Variants in ZNF358 observed in about 807,000 individuals in gnomAD.
ZNF358 encodes zinc finger protein 358.
In ZNF358, 1 loss-of-function variant was observed where a neutral mutation model predicts 2.1. That is an observed-to-expected ratio of 0.49 (90% CI 0.17 to 2.30). ZNF358 has a LOEUF of 2.30. Among genes scored for constraint, ZNF358 ranks in the 30% most tolerant of loss-of-function variants. ZNF358 has a pLI of 0.26. For missense variants in ZNF358, 665 were observed against 806.8 expected (o/e 0.82, Z 2.13); for synonymous variants, 381 against 359.7 (o/e 1.06, Z -0.67).
rs1316924546 is a variant in ZNF358, at chr19:7,520,891, C to T, written c.1649C>T (p.Thr550Ile). The change falls in exon 2 of 2, where the codon ACC (threonine) becomes ATC (isoleucine). Residue 550 changes from threonine to isoleucine, a missense_variant. By Grantham distance (89) the Thr-to-Ile change is moderately conservative (BLOSUM62 -1). Coordinates refer to ENST00000597229, the MANE Select transcript of ZNF358 (RefSeq NM_018083.5). This position sits in a 1 kb window ranked among gnomAD's most constrained non-coding sequence, Gnocchi z 6.0. ...GGCACTGTCAGCCCAGCCCTCCCTA[C>T]CGGCGAGAGTCCAGAGTGGGTACAG... Reference protein sequence around the residue: ...TRGTVSPALPTGESPEWVQEQ... With the variant: ...TRGTVSPALPIGESPEWVQEQ... 1 of 1,614,114 alleles carries T rather than the reference C, an allele frequency of 6.2e-7. No individual in the cohort carries two copies. Among genetic ancestry groups the T allele is most frequent in the East Asian group, 2.2e-5 (1 of 44,886 alleles).
At chr19:7,518,434 C>A (rs530687074) in intron 1 of ZNF358, among the ~76,000 whole-genome samples, 1 of 148,604 alleles carries the variant, frequency 6.7e-6, no homozygotes, top group East Asian at 2.0e-4. Flanking sequence ...AACATAGCGA[C>A]ACCCCATCTC....
At chr19:7,518,593 A>AAGAAAGAAAGAG (rs1555740185) in intron 1 of ZNF358, among the ~76,000 whole-genome samples, 1 of 150,400 alleles carries the variant, frequency 6.6e-6, no homozygotes. Flanking sequence ...GAAAGAAAGA[A>AAGAAAGAAAGAG]AGAAAGAATT....
At chr19:7,518,541 AAG>A (rs1173458851) in intron 1 of ZNF358, among the ~76,000 whole-genome samples, 2 of 86,008 alleles carry the variant, frequency 2.3e-5, no homozygotes, top group Non-Finnish European at 4.5e-5. Context: ...GAAAGAAAGA[AAG>A]AAAGAGAGAG....
chr19:7,517,234 A>G (rs1252237757), intron 1 of ZNF358, among the ~76,000 whole-genome samples: 2 of 152,056 alleles, frequency 1.3e-5, no homozygotes, highest in African/African-American at 4.8e-5. Context: ...GTCTGCCCCT[A>G]GCCACAAGCT....
rs1363322150 is a variant in ZNF358 at position 7,520,818 on chromosome 19, C to T, written c.1576C>T (p.Pro526Ser). 1 of 1,614,030 alleles carries T rather than the reference C, an allele frequency of 6.2e-7. No individual in the cohort carries two copies. Among genetic ancestry groups the T allele is most frequent in the Admixed American group, 1.7e-5 (1 of 60,018 alleles). ...PSPDPDPVPS[P>S]DPNPVSCPDP... Reference sequence around the variant, plus strand: ...CCCAGACCCTGATCCTGTGCCCAGCCCTGATCCCAACCCTGTGTCCTGCCC... The same window carrying T: ...CCCAGACCCTGATCCTGTGCCCAGCTCTGATCCCAACCCTGTGTCCTGCCC... Residue 526 changes from proline (P) to serine (S), a missense_variant, in exon 2 of 2, where the codon CCT (proline) becomes TCT (serine). Transcript: ENST00000597229. This position sits in a 1 kb window ranked among gnomAD's most constrained non-coding sequence, Gnocchi z 6.0.
rs2022334243 is a variant in ZNF358, at chr19:7,516,136, G to GC, written c.-151dup. On this transcript the variant is annotated 5_prime_UTR_variant, in exon 1 of 2. Transcript: ENST00000597229. This position sits in a 1 kb window ranked among gnomAD's most constrained non-coding sequence, Gnocchi z 5.9. ...CTCCCCGGGAGCGCCTGGCGGGGCC[G>GC]CTGGGCCGAGGGGGCCGCCGGCGGG... The GC allele has an allele frequency of 6.9e-6, 1 of 145,302 alleles. No homozygotes were observed. The highest frequency in any genetic ancestry group is 2.5e-5 in the African/African-American group (1 of 40,380). 9.0% of individuals were successfully genotyped at this position (145,302 alleles called of 1,614,324 possible). A position where few individuals can be genotyped will look rare whatever the true frequency, so the allele number is the denominator to read the frequency against.
At chr19:7,514,403 A>C (rs2022309554), upstream of ZNF358, among the ~76,000 whole-genome samples, 3 of 152,210 alleles carry the variant, frequency 2.0e-5, no homozygotes, top group Admixed American at 2.0e-4. Context: ...ATCATCCAGG[A>C]AGTGTCAGGA....
chr19:7,520,138 C>A lies in ZNF358; in HGVS notation c.896C>A (p.Ala299Asp). 6.3e-7 allele frequency: 1 copy of A among 1,598,996 alleles called. No individual in the cohort carries two copies. The highest frequency in any genetic ancestry group is 8.5e-7 in the Non-Finnish European group (1 of 1,178,296). The change falls in exon 2 of 2, where the codon GCC becomes GAC. Residue 299 changes from alanine (A) to aspartate (D), a missense_variant. Around this residue, in one of 3 missense-constraint regions of ZNF358, gnomAD observed 210 missense variants for 350.8 expected, o/e 0.60. Transcript: ENST00000597229. The surrounding 1 kb of genome is among the most constrained non-coding windows in gnomAD (Gnocchi z 6.0). Reference sequence around the variant, plus strand: ...TACCCGTGTCCGCAGTGCGGCAAGGCCTTCGGGCAGAGCTCGGCGCTGCTG... The same window carrying A: ...TACCCGTGTCCGCAGTGCGGCAAGGACTTCGGGCAGAGCTCGGCGCTGCTG... ...RPYPCPQCGK[A>D]FGQSSALLQH...
At chr19:7,518,557 G>GAGAAAGAAAGAAAGAAAGAA (rs3029872) in intron 1 of ZNF358, among the ~76,000 whole-genome samples, 8,323 of 115,916 alleles carry the variant, frequency 0.072, 425 homozygotes, top group Middle Eastern at 0.092. Context: ...GAGAGAGAGA[G>GAGAAAGAAAGAAAGAAAGAA]AGAAAGAAAG....
chr19:7,519,341 T>G lies in ZNF358; in HGVS notation c.99T>G (p.Pro33=). 6.2e-7 allele frequency: 1 copy of G among 1,613,496 alleles called. No individual in the cohort carries two copies. Among genetic ancestry groups the G allele is most frequent in the South Asian group, 1.1e-5 (1 of 91,064 alleles). The change falls in exon 2 of 2, where the codon CCT becomes CCG. Residue 33 remains proline (P), a synonymous_variant. Coordinates refer to ENST00000597229, the MANE Select transcript of ZNF358 (RefSeq NM_018083.5). The part of the protein sequence containing the change: ...DSDSEDLDPN[P]EDLDPVSEDP... ...ACTCCGAGGACCTAGACCCCAATCC[T>G]GAAGATCTGGACCCGGTTTCTGAAG...
chr19:7,518,591 G>GAAAGAA (rs757104947), intron 1 of ZNF358, among the ~76,000 whole-genome samples: 11 of 150,260 alleles, frequency 7.3e-5, no homozygotes, highest in Admixed American at 1.3e-4. Flanking sequence ...AAGAAAGAAA[G>GAAAGAA]AAAGAAAGAA....
In ZNF358 at chr19:7,516,785, G is replaced by T. The variant is rs551708814; in HGVS notation, c.-39+536G>T. 1.3e-5 allele frequency among the ~76,000 whole-genome samples: 2 copies of T among 151,998 alleles called. No individual in the cohort carries two copies. Among genetic ancestry groups the T allele is most frequent in the African/African-American group, 2.4e-5 (1 of 41,406 alleles). ...TCCTTTCCCTGGAGGTGATCCAGGG[G>T]TCCACCTGCCCTCACCCCTGGGAAC... is the stretch of plus-strand genomic sequence containing the variant. On this transcript the variant is annotated intron_variant, in intron 1 of 1. Transcript: ENST00000597229. This position sits in a 1 kb window ranked among gnomAD's most constrained non-coding sequence, Gnocchi z 5.9.
upstream of ZNF358, chr19:7,516,043 CCGCGGCGGG>C (rs1358362835): frequency 6.8e-6 from 1 of 147,528 alleles, no homozygotes; most frequent in Non-Finnish European, 1.5e-5. The surrounding 1 kb of genome is among the most constrained non-coding windows in gnomAD (Gnocchi z 5.9). Flanking sequence ...ATGGCGACGG[CCGCGGCGGG>C]CGCGGGCGAA....
At position 7,516,328 on chromosome 19, in the gene ZNF358, G is replaced by C. The variant is rs1229192707; in HGVS notation, c.-39+79G>C. The C allele has an allele frequency of 6.8e-6, 1 of 147,888 alleles. No individual in the cohort carries two copies. Among genetic ancestry groups the C allele is most frequent in the Non-Finnish European group, 1.5e-5 (1 of 65,930 alleles). 9.2% of individuals were successfully genotyped at this position (147,888 alleles called of 1,614,324 possible). On this transcript the variant is annotated intron_variant, in intron 1 of 1. Transcript: ENST00000597229. The surrounding 1 kb of genome is among the most constrained non-coding windows in gnomAD (Gnocchi z 5.9). ...GGGCGGGCGGGGGAGCTCCAGGCGC[G>C]GGGCGCAGCCCGGGGCGACCTCTAA...
chr19:7,515,697 T>G (rs950815627), upstream of ZNF358, among the ~76,000 whole-genome samples: 13 of 146,960 alleles, frequency 8.8e-5, no homozygotes, highest in Admixed American at 3.4e-4. Context: ...CAGAGAGAGA[T>G]AGAGGCAGAG....
Position 7,519,512 on chromosome 19 carries a change from G to C in ZNF358, c.270G>C (p.Ser90=), listed in dbSNP as rs375433411. Residue 90 remains serine, a synonymous_variant, in exon 2 of 2, where the codon TCG becomes TCC. Transcript: ENST00000597229. ...SEPQDPDPMS[S]SFDLDPDVIG... ...CCCAAGATCCCGACCCCATGTCTTCGAGTTTCGACCTCGATCCAGATGTGA... is the reference window on the plus strand; with the variant it reads ...CCCAAGATCCCGACCCCATGTCTTCCAGTTTCGACCTCGATCCAGATGTGA... The C allele has an allele frequency of 5.1e-5, 82 of 1,611,856 alleles. 1 individual carries two copies. The highest frequency in any genetic ancestry group is 3.5e-4 in the Admixed American group (21 of 59,994).
At chr19:7,519,087 A>AT in intron 1 of ZNF358, 118 bp from the exon 2 acceptor site, 2 of 1,058,480 alleles carry the variant, frequency 1.9e-6, no homozygotes, top group Non-Finnish European at 2.4e-6. Context: ...AAAAAAAAAA[A>AT]GAAGTGGGTT....
Position 7,519,631 on chromosome 19 carries a change from C to T in ZNF358, c.389C>T (p.Thr130Ile). 5 of 1,592,260 alleles carry T rather than the reference C, an allele frequency of 3.1e-6. No individual in the cohort carries two copies. The highest frequency in any genetic ancestry group is 2.6e-6 in the Non-Finnish European group (3 of 1,175,634). The change falls in exon 2 of 2, where the codon ACC becomes ATC. Residue 130 changes from threonine (T) to isoleucine (I), a missense_variant. This residue lies in a region of ZNF358 where 206 missense variants were observed against 228.4 expected (regional missense o/e 0.90). Transcript: ENST00000597229. ...VDPISSGLTATPQVLATSPAV... is the reference protein window; with the variant it reads ...VDPISSGLTAIPQVLATSPAV... ...CCCATCTCCTCTGGCCTCACTGCCA[C>T]CCCCCAGGTCTTGGCCACCAGCCCC...
In ZNF358 at chr19:7,520,041, G is replaced by T. The variant is rs1464992633; in HGVS notation, c.799G>T (p.Val267Leu). 6.5e-7 allele frequency: 1 copy of T among 1,547,468 alleles called. No individual in the cohort carries two copies. The highest frequency in any genetic ancestry group is 1.9e-5 in the Admixed American group (1 of 51,968). Reference protein sequence around the residue: ...HGGPRPHKCPVCAKGFGQGSA... With the variant: ...HGGPRPHKCPLCAKGFGQGSA... The stretch of plus-strand genomic sequence containing the variant: ...CGGCCCGCGGCCCCACAAGTGCCCG[G>T]TGTGCGCCAAGGGCTTCGGCCAGGG... The change falls in exon 2 of 2, where the codon GTG becomes TTG. Residue 267 changes from valine (V) to leucine (L), a missense_variant. Coordinates refer to ENST00000597229, the MANE Select transcript of ZNF358 (RefSeq NM_018083.5). This position sits in a 1 kb window ranked among gnomAD's most constrained non-coding sequence, Gnocchi z 6.0.
Sources: gnomAD v4.1 joint callset for allele counts (sites outside exome capture counted in the v4.1 genomes callset) on GRCh38, gnomAD v4.1.1 for gene constraint, gnomAD v4.1.1 regional missense constraint, Gnocchi (gnomAD v3.1) non-coding constraint, MANE v1.5 for transcripts, NCBI Gene and HGNC (gene_info 2026-07-23, HGNC 2026-07-21) for gene names.